The following XYLT1 variants were observed in gnomAD, a reference collection of about 807,000 sequenced individuals.
XYLT1 encodes the protein xylosyltransferase 1.
Under a neutral mutation model 91.3 loss-of-function variants are expected in XYLT1, and 36 were observed. The observed-to-expected ratio is 0.39, with a 90% CI of 0.30 to 0.52. The LOEUF (loss-of-function observed/expected upper bound fraction) is 0.52. XYLT1 is among the 20% of genes least tolerant of loss of function. The pLI, the probability that XYLT1 is intolerant of heterozygous loss-of-function variation, is 0.68. For missense variants in XYLT1, 1,242 were observed against 1,284.5 expected (o/e 0.97, Z 0.51); for synonymous variants, 588 against 532.0 (o/e 1.11, Z -1.45).
chr16:17,187,975 T>C (rs939531780), intron 5 of XYLT1, among the ~76,000 whole-genome samples: 1 of 152,094 alleles, frequency 6.6e-6, no homozygotes, highest in Admixed American at 6.5e-5. Context: ...CTCCAGCTCC[T>C]GTTGAAATCC....
chr16:17,301,160 C>T (rs1392745837), intron 2 of XYLT1, among the ~76,000 whole-genome samples: 1 of 152,052 alleles, frequency 6.6e-6, no homozygotes, highest in East Asian at 1.9e-4. Context: ...CTTATAATCC[C>T]AGCACTTCGG....
rs143886477 is a variant in XYLT1 at position 17,449,401 on chromosome 16, T to A, written c.363+21033A>T. Among the ~76,000 whole-genome samples, 936 of 152,348 alleles carry A rather than the reference T, an allele frequency of 6.1e-3. 6 individuals carry two copies. The highest frequency in any genetic ancestry group is 0.027 in the Middle Eastern group (8 of 294). ...CTGCCAGGCCTGCAGCTGTGGACACTTCCCCTATGGGCTGCGGGGACGGGG... is the reference window on the plus strand; with the variant it reads ...CTGCCAGGCCTGCAGCTGTGGACACATCCCCTATGGGCTGCGGGGACGGGG... On this transcript the variant is annotated intron_variant, in intron 1 of 11. Transcript: ENST00000261381.
chr16:17,344,754 G>A (rs555983732), intron 2 of XYLT1, among the ~76,000 whole-genome samples: 216 of 151,852 alleles, frequency 1.4e-3, no homozygotes, highest in African/African-American at 5.0e-3. Flanking sequence ...AAGCTGGAGT[G>A]CAGTGTGGTG....
intron 2 of XYLT1, among the ~76,000 whole-genome samples, chr16:17,273,596 C>A (rs1376976864): frequency 6.6e-6 from 1 of 152,168 alleles, no homozygotes; most frequent in Non-Finnish European, 1.5e-5. Context: ...GTAATCCCAG[C>A]ACTTTGGAAG....
chr16:17,311,828 T>G (rs1017209437), intron 2 of XYLT1, among the ~76,000 whole-genome samples: 5 of 135,064 alleles, frequency 3.7e-5, no homozygotes, highest in African/African-American at 1.3e-4. Context: ...ACGTCTTACA[T>G]GGCAGCAGGC....
chr16:17,202,058 CTCTT>C (rs1195910556), intron 3 of XYLT1, among the ~76,000 whole-genome samples: 4 of 152,196 alleles, frequency 2.6e-5, no homozygotes, highest in Admixed American at 6.5e-5. Context: ...AAAGACTCCT[CTCTT>C]TCTTTCTCTT....
chr16:17,289,076 G>A (rs143026789), intron 2 of XYLT1, among the ~76,000 whole-genome samples: 27 of 152,222 alleles, frequency 1.8e-4, no homozygotes, highest in African/African-American at 6.5e-4. Context: ...CTATACCTAG[G>A]GTCAAGAAAT....
At chr16:17,313,755 G>A (rs1184591373) in intron 2 of XYLT1, among the ~76,000 whole-genome samples, 3 of 151,580 alleles carry the variant, frequency 2.0e-5, no homozygotes, top group African/African-American at 4.9e-5. Context: ...GACATGGAGC[G>A]ACTGTGGTTA....
At chr16:17,240,711 A>G (rs1209801542) in intron 3 of XYLT1, among the ~76,000 whole-genome samples, 1 of 152,206 alleles carries the variant, frequency 6.6e-6, no homozygotes, top group Non-Finnish European at 1.5e-5. Flanking sequence ...TTTAATGATG[A>G]GGATAGTAAT....
chr16:17,205,160 A>G (rs2032620107), intron 3 of XYLT1, among the ~76,000 whole-genome samples: 1 of 152,218 alleles, frequency 6.6e-6, no homozygotes, highest in Non-Finnish European at 1.5e-5. Context: ...AAGGCTGAGG[A>G]TGATGGGGGG....
intron 3 of XYLT1, among the ~76,000 whole-genome samples, chr16:17,211,646 A>C (rs1364148689): frequency 6.6e-6 from 1 of 152,192 alleles, no homozygotes; most frequent in Admixed American, 6.5e-5. Context: ...TCACAGAGCC[A>C]AGAGGTGGAG....
chr16:17,138,901 T>TCTGA (rs978027919), intron 7 of XYLT1, among the ~76,000 whole-genome samples: 52 of 152,282 alleles, frequency 3.4e-4, no homozygotes, highest in African/African-American at 1.1e-3. Flanking sequence ...GGGATTCAAG[T>TCTGA]CTGACTGACT....
At chr16:17,427,301 G>A (rs2036331193) in intron 1 of XYLT1, among the ~76,000 whole-genome samples, 1 of 152,228 alleles carries the variant, frequency 6.6e-6, no homozygotes, top group East Asian at 1.9e-4. Flanking sequence ...GCCTTTTGTT[G>A]TTGTTTGGTT....
At chr16:17,308,893 C>G (rs927795537) in intron 2 of XYLT1, among the ~76,000 whole-genome samples, 1 of 151,954 alleles carries the variant, frequency 6.6e-6, no homozygotes, top group African/African-American at 2.4e-5. Flanking sequence ...GAGCATTTAG[C>G]GCAGTGTCTG....
intron 7 of XYLT1, among the ~76,000 whole-genome samples, chr16:17,139,515 CCAAA>C (rs769423134): frequency 9.2e-5 from 14 of 152,264 alleles, no homozygotes; most frequent in African/African-American, 2.4e-4. Context: ...AGCCAAACTC[CCAAA>C]CAATCTCTTC....
intron 1 of XYLT1, among the ~76,000 whole-genome samples, chr16:17,469,243 A>C (rs777278216): frequency 6.6e-6 from 1 of 152,234 alleles, no homozygotes; most frequent in South Asian, 2.1e-4. Context: ...TTCCAAAGTG[A>C]CAAATGATAG....
intron 1 of XYLT1, among the ~76,000 whole-genome samples, chr16:17,367,715 T>C (rs1388024743): frequency 1.3e-5 from 2 of 152,196 alleles, no homozygotes; most frequent in Non-Finnish European, 2.9e-5. Flanking sequence ...CCGAGGCAGC[T>C]GTTACTAAGC....
intron 1 of XYLT1, among the ~76,000 whole-genome samples, chr16:17,447,564 G>A (rs2036608572): frequency 1.3e-5 from 2 of 152,160 alleles, no homozygotes; most frequent in African/African-American, 4.8e-5. Flanking sequence ...AACTTGGCAG[G>A]GGCTCATATT....
Position 17,117,907 on chromosome 16 carries a change from G to A in XYLT1, c.2296C>T (p.Pro766Ser), listed in dbSNP as rs12325439. 1 of 1,613,974 alleles carries A rather than the reference G, an allele frequency of 6.2e-7. No homozygotes were observed. Among genetic ancestry groups the A allele is most frequent in the Admixed American group, 1.7e-5 (1 of 59,984 alleles). ...TTCCCCCACTTCTGCATACCCACCG[G>A]CTCATCCATGGGCCCCAGAAGACCC... ...FGGLLGPMDE[P>S]VGMQKWGKGP... is the part of the protein sequence containing the mutation. The change falls in exon 11 of 12, where the codon CCG (proline) becomes TCG (serine). Residue 766 changes from proline (P) to serine (S), a missense_variant. By Grantham distance (74) the Pro-to-Ser change is moderately conservative. Transcript: ENST00000261381.
Sources: allele counts gnomAD v4.1 joint callset (sites outside exome capture counted in the v4.1 genomes callset), GRCh38; gene constraint gnomAD v4.1.1; transcripts MANE v1.5; gene names NCBI Gene and HGNC (gene_info 2026-07-23, HGNC 2026-07-21).